The following CLVS1 variants were observed in gnomAD, a reference collection of about 807,000 sequenced individuals.
The protein encoded by CLVS1 is clavesin 1, also known as clavesin-1.
In CLVS1, 10 loss-of-function variants were observed where a neutral mutation model predicts 33.1. The observed-to-expected ratio is 0.30, with a 90% confidence interval of 0.19 to 0.51. The LOEUF is 0.51. CLVS1 is among the 20% of genes least tolerant of loss of function. The probability of loss-of-function intolerance (pLI) is 0.97; values close to 1 mark genes in which losing one functional copy is unlikely to be tolerated. For missense variants in CLVS1, 343 were observed against 433.4 expected, an observed-to-expected ratio of 0.79 and a Z score of 1.85; for synonymous variants, 163 against 166.1, an observed-to-expected ratio of 0.98 and a Z score of 0.14.
At chr8:61,222,897 G>C (rs1444455069) in intron 2 of CLVS1, among the ~76,000 whole-genome samples, 1 of 149,218 alleles carries the variant, frequency 6.7e-6, no homozygotes, top group Non-Finnish European at 1.5e-5. Flanking sequence ...TTGTTGAATT[G>C]ATTCCTTTAC....
At chr8:61,085,944 C>G (rs1428521819) in intron 1 of CLVS1, among the ~76,000 whole-genome samples, 1 of 141,020 alleles carries the variant, frequency 7.1e-6, no homozygotes, top group Non-Finnish European at 1.5e-5. Context: ...GCTGATGCAG[C>G]AGAATGGCGT....
chr8:61,436,375 C>T (rs1463148514), intron 3 of CLVS1, among the ~76,000 whole-genome samples: 1 of 152,192 alleles, frequency 6.6e-6, no homozygotes, highest in African/African-American at 2.4e-5. Context: ...TGTATTCTCT[C>T]TTCAGCACAT....
intron 2 of CLVS1, among the ~76,000 whole-genome samples, chr8:61,336,001 G>A (rs1212227891): frequency 6.6e-6 from 1 of 152,098 alleles, no homozygotes; most frequent in Non-Finnish European, 1.5e-5. Context: ...AGGGAATAGA[G>A]GAATGGCTGC....
the CLVS1 span, among the ~76,000 whole-genome samples, chr8:60,971,413 TG>T: frequency 6.6e-6 from 1 of 152,234 alleles, no homozygotes; most frequent in Non-Finnish European, 1.5e-5. Flanking sequence ...TGCTCTTCTT[TG>T]TTTTGTGGGT....
chr8:61,024,922 A>G, the CLVS1 span, among the ~76,000 whole-genome samples: 2 of 149,980 alleles, frequency 1.3e-5, no homozygotes, highest in Non-Finnish European at 3.0e-5. Flanking sequence ...ATCTCTGCTC[A>G]CTGCAACCTC....
At chr8:60,999,190 G>C in the CLVS1 span, among the ~76,000 whole-genome samples, 202 of 152,318 alleles carry the variant, frequency 1.3e-3, 1 homozygote, top group African/African-American at 4.3e-3. Context: ...AAGACTTCTA[G>C]CTGGTTAATT....
intron 2 of CLVS1, among the ~76,000 whole-genome samples, chr8:61,306,004 C>T (rs937675436): frequency 2.0e-5 from 3 of 152,082 alleles, no homozygotes; most frequent in Non-Finnish European, 1.5e-5. Context: ...TGAACATACA[C>T]GTGCATGTGT....
At chr8:61,233,317 T>C (rs1344052192) in intron 2 of CLVS1, among the ~76,000 whole-genome samples, 3 of 152,120 alleles carry the variant, frequency 2.0e-5, no homozygotes, top group Non-Finnish European at 4.4e-5. Flanking sequence ...GACCTCGGAA[T>C]TGGAGGATAA....
At chr8:61,377,040 G>A (rs1813672843) in intron 3 of CLVS1, 1 of 365,134 alleles carries the variant, frequency 2.7e-6, no homozygotes, top group Non-Finnish European at 4.9e-6. Flanking sequence ...GCTCCAAGAT[G>A]TTCGGCTTAA....
At chr8:61,120,192 C>T (rs1324779019) in intron 1 of CLVS1, among the ~76,000 whole-genome samples, 9 of 145,910 alleles carry the variant, frequency 6.2e-5, no homozygotes, top group Admixed American at 2.0e-4. Flanking sequence ...GCATTCTTCA[C>T]GTAGTTCTCG....
the CLVS1 span, among the ~76,000 whole-genome samples, chr8:61,044,859 G>C: frequency 6.6e-6 from 1 of 152,194 alleles, no homozygotes; most frequent in African/African-American, 2.4e-5. Context: ...TAGAAAAAGA[G>C]GAACAAAAAA....
chr8:61,005,627 C>T, the CLVS1 span, among the ~76,000 whole-genome samples: 1 of 152,304 alleles, frequency 6.6e-6, no homozygotes, highest in Non-Finnish European at 1.5e-5. Flanking sequence ...CAAGTATGGA[C>T]GGAGCAGATG....
intron 2 of CLVS1, among the ~76,000 whole-genome samples, chr8:61,229,023 A>G (rs1324317178): frequency 4.6e-5 from 7 of 152,126 alleles, no homozygotes; most frequent in Admixed American, 4.6e-4. Flanking sequence ...GTGCAAAGAC[A>G]CCCTTTTCTC....
chr8:61,046,269 T>C, the CLVS1 span, among the ~76,000 whole-genome samples: 3 of 148,206 alleles, frequency 2.0e-5, no homozygotes, highest in African/African-American at 2.6e-5. Flanking sequence ...TGCTTGTTTT[T>C]CTCAGGTTTG....
chr8:60,970,034 AGC>A, the CLVS1 span, among the ~76,000 whole-genome samples: 1 of 152,206 alleles, frequency 6.6e-6, no homozygotes, highest in Non-Finnish European at 1.5e-5. Context: ...TACGTCAAGG[AGC>A]AACTGTATTA....
chr8:61,054,116 G>C (rs1039907596), upstream of CLVS1, among the ~76,000 whole-genome samples: 1 of 152,192 alleles, frequency 6.6e-6, no homozygotes, highest in African/African-American at 2.4e-5. Flanking sequence ...CTCAATAGTG[G>C]GAGTGCAGCC....
chr8:61,393,497 G>A (rs1400840318), intron 3 of CLVS1, among the ~76,000 whole-genome samples: 2 of 152,184 alleles, frequency 1.3e-5, no homozygotes, highest in Non-Finnish European at 2.9e-5. Context: ...AATATTACCA[G>A]AATTACTTTT....
chr8:60,965,010 T>G, the CLVS1 span, among the ~76,000 whole-genome samples: 1 of 152,154 alleles, frequency 6.6e-6, no homozygotes, highest in Non-Finnish European at 1.5e-5. Flanking sequence ...TATAGCTTCA[T>G]AGATTCATGG....
the CLVS1 span, among the ~76,000 whole-genome samples, chr8:61,025,091 C>T: frequency 1.4e-4 from 21 of 152,188 alleles, no homozygotes; most frequent in Non-Finnish European, 2.9e-4. Context: ...TCAGGTGATA[C>T]TCCTGCCTCG....
Sources: gnomAD v4.1 joint callset for allele counts (sites outside exome capture counted in the v4.1 genomes callset) on GRCh38, gnomAD v4.1.1 for gene constraint, MANE v1.5 for transcripts, NCBI Gene and HGNC (gene_info 2026-07-23, HGNC 2026-07-21) for gene names.